BCL2: variants seen among roughly 807,000 people sequenced by gnomAD.
BCL2 encodes the protein apoptosis regulator Bcl-2.
BCL2 carries 1 observed loss-of-function variant against 14.2 expected under a neutral mutation model. The observed-to-expected ratio is 0.07, with a 90% CI of 0.02 to 0.33. BCL2 has a LOEUF of 0.33. BCL2 is among the 10% of genes least tolerant of loss of function. The pLI, the probability that BCL2 is intolerant of heterozygous loss-of-function variation, is 0.99. For missense variants in BCL2, 247 were observed against 305.9 expected (o/e 0.81, Z 1.44); for synonymous variants, 151 against 137.2 (o/e 1.10, Z -0.70).
chr18:63,159,527 T>G (rs4940573), intron 2 of BCL2, among the ~76,000 whole-genome samples: 45,798 of 152,144 alleles, frequency 0.3, 9,347 homozygotes, highest in East Asian at 0.56. Flanking sequence ...TTACTTTCCA[T>G]TTTTACAAAT....
intron 2 of BCL2, among the ~76,000 whole-genome samples, chr18:63,260,303 G>A (rs148505206): frequency 6.6e-6 from 1 of 152,190 alleles, no homozygotes; most frequent in African/African-American, 2.4e-5. Flanking sequence ...ATTTGAAAAC[G>A]GAGGCATAGT....
At chr18:63,166,511 C>G (rs57727866) in intron 2 of BCL2, among the ~76,000 whole-genome samples, 4 of 152,062 alleles carry the variant, frequency 2.6e-5, no homozygotes, top group Non-Finnish European at 2.9e-5. Context: ...CAAGCCCATA[C>G]GATATCATGA....
At chr18:63,223,974 G>C (rs1043282672) in intron 2 of BCL2, among the ~76,000 whole-genome samples, 1 of 151,984 alleles carries the variant, frequency 6.6e-6, no homozygotes, top group Non-Finnish European at 1.5e-5. Flanking sequence ...GACCAGGAGA[G>C]GCAAAGACAA....
At chr18:63,181,430 C>T (rs970202358) in intron 2 of BCL2, among the ~76,000 whole-genome samples, 2 of 152,218 alleles carry the variant, frequency 1.3e-5, no homozygotes, top group Non-Finnish European at 2.9e-5. Context: ...GGACCTTCAC[C>T]TGTAGAGAGG....
intron 2 of BCL2, among the ~76,000 whole-genome samples, chr18:63,144,800 A>T (rs151305698): frequency 6.6e-6 from 1 of 152,278 alleles, no homozygotes; most frequent in Non-Finnish European, 1.5e-5. Flanking sequence ...GTCAGAGCGA[A>T]TGGGGCCACA....
At chr18:63,289,452 G>C (rs1912578742) in intron 2 of BCL2, among the ~76,000 whole-genome samples, 1 of 152,186 alleles carries the variant, frequency 6.6e-6, no homozygotes, top group South Asian at 2.1e-4. Context: ...CCCCAGAACA[G>C]AGAAGGCAGG....
At chr18:63,212,187 G>A (rs547222960) in intron 2 of BCL2, among the ~76,000 whole-genome samples, 16 of 151,198 alleles carry the variant, frequency 1.1e-4, no homozygotes, top group Admixed American at 5.3e-4. Flanking sequence ...TTAGCTGGGC[G>A]TGGTGGCGGG....
At chr18:63,287,510 T>C (rs1811878030) in intron 2 of BCL2, among the ~76,000 whole-genome samples, 2 of 152,124 alleles carry the variant, frequency 1.3e-5, no homozygotes, top group Admixed American at 6.5e-5. Context: ...GCGGGCAGTT[T>C]GAGTACAAAC....
At chr18:63,147,682 A>C (rs1542578) in intron 2 of BCL2, among the ~76,000 whole-genome samples, 91,006 of 151,984 alleles carry the variant, frequency 0.6, 28,085 homozygotes, top group African/African-American at 0.75. Flanking sequence ...GGCATGAAAA[A>C]CATATTCCAA....
At chr18:63,247,575 C>A (rs955162328) in intron 2 of BCL2, among the ~76,000 whole-genome samples, 3 of 152,118 alleles carry the variant, frequency 2.0e-5, no homozygotes, top group African/African-American at 7.2e-5. Flanking sequence ...GGGGAAGAAC[C>A]AGAAAAACAT....
intron 2 of BCL2, among the ~76,000 whole-genome samples, chr18:63,214,008 G>C (rs949156389): frequency 2.0e-5 from 3 of 152,176 alleles, no homozygotes; most frequent in African/African-American, 7.2e-5. Flanking sequence ...AGCTAAGATG[G>C]GCTGATGACC....
At chr18:63,226,503 T>C (rs961381901) in intron 2 of BCL2, among the ~76,000 whole-genome samples, 2 of 152,194 alleles carry the variant, frequency 1.3e-5, no homozygotes, top group Admixed American at 1.3e-4. Flanking sequence ...TAAACTATAA[T>C]ATAGCCATAA....
At chr18:63,227,220 T>C (rs1910573442) in intron 2 of BCL2, among the ~76,000 whole-genome samples, 1 of 152,210 alleles carries the variant, frequency 6.6e-6, no homozygotes, top group Non-Finnish European at 1.5e-5. Context: ...CTAGAAAAAT[T>C]ATTATTCAAG....
chr18:63,297,193 A>T (rs111268522), intron 2 of BCL2, among the ~76,000 whole-genome samples: 2,015 of 152,240 alleles, frequency 0.013, 17 homozygotes, highest in Non-Finnish European at 0.02. Context: ...AGCCTGGGCG[A>T]CACAGCGAAA....
intron 2 of BCL2, among the ~76,000 whole-genome samples, chr18:63,215,531 T>A (rs1188128332): frequency 2.0e-5 from 3 of 152,216 alleles, no homozygotes; most frequent in African/African-American, 7.2e-5. Context: ...ACAACATATA[T>A]TTGTGACTAC....
intron 2 of BCL2, among the ~76,000 whole-genome samples, chr18:63,251,791 C>T (rs573279164): frequency 9.2e-5 from 14 of 151,424 alleles, no homozygotes; most frequent in African/African-American, 2.2e-4. Context: ...CTCCACCTTC[C>T]GGGTTCAAGC....
intron 2 of BCL2, among the ~76,000 whole-genome samples, chr18:63,313,432 C>T (rs985613870): frequency 1.5e-4 from 23 of 152,266 alleles, no homozygotes; most frequent in African/African-American, 5.1e-4. Flanking sequence ...ATGTGGTTGA[C>T]AGAAAGGATG....
intron 2 of BCL2, among the ~76,000 whole-genome samples, chr18:63,148,401 T>A (rs540574354): frequency 1.6e-3 from 247 of 152,302 alleles, no homozygotes; most frequent in African/African-American, 5.7e-3. Flanking sequence ...ATTTTTAATA[T>A]AAAATGCCCA....
At chr18:63,246,233 G>A (rs894236634) in intron 2 of BCL2, among the ~76,000 whole-genome samples, 1 of 152,132 alleles carries the variant, frequency 6.6e-6, no homozygotes, top group Non-Finnish European at 1.5e-5. Context: ...AGAGGAGTCC[G>A]TTTGTTCTTC....
Sources: allele counts gnomAD v4.1 joint callset (sites outside exome capture counted in the v4.1 genomes callset), GRCh38; gene constraint gnomAD v4.1.1; transcripts MANE v1.5; gene names NCBI Gene and HGNC (gene_info 2026-07-23, HGNC 2026-07-21).